RIMS2: variants seen among roughly 807,000 people sequenced by gnomAD.
The protein encoded by RIMS2 is regulating synaptic membrane exocytosis protein 2.
A neutral mutation model predicts 174.4 loss-of-function variants in RIMS2; 59 were observed. That is an observed-to-expected ratio of 0.34 (90% confidence interval 0.27 to 0.42). The LOEUF is 0.42. RIMS2 is among the 10% of genes least tolerant of loss of function. The probability of loss-of-function intolerance (pLI) is 1.00; values close to 1 mark genes in which losing one functional copy is unlikely to be tolerated. For missense variants in RIMS2, 1,620 were observed against 1,666.3 expected (o/e 0.97, Z 0.48); for synonymous variants, 606 against 572.5 (o/e 1.06, Z -0.84).
At chr8:104,111,654 C>T (rs1262130489) in intron 19 of RIMS2, among the ~76,000 whole-genome samples, 1 of 152,150 alleles carries the variant, frequency 6.6e-6, no homozygotes, top group African/African-American at 2.4e-5. Flanking sequence ...GATCCACCTG[C>T]CTCAGCCTAC....
chr8:104,082,920 A>G (rs7840902), intron 19 of RIMS2, among the ~76,000 whole-genome samples: 1,955 of 152,250 alleles, frequency 0.013, 50 homozygotes, highest in African/African-American at 0.045. Flanking sequence ...TTAATGATAT[A>G]CTTAAGATGC....
intron 3 of RIMS2, among the ~76,000 whole-genome samples, chr8:103,834,502 A>G (rs564625258): frequency 1.9e-4 from 29 of 151,380 alleles, no homozygotes; most frequent in Admixed American, 1.8e-3. Context: ...TGTGCTCAGA[A>G]GAGCTCCTTG....
intron 23 of RIMS2, 59 bp from the exon 30 acceptor site, chr8:104,251,543 C>G: frequency 1.1e-6 from 1 of 888,920 alleles, no homozygotes; most frequent in Non-Finnish European, 1.9e-6. Context: ...ATATATTTTA[C>G]AAGTTTTTCT....
At position 103,601,149 on chromosome 8, in the gene RIMS2, A is replaced by C. The variant is rs144261595; in HGVS notation, c.177-95937A>C. On this transcript the variant is annotated intron_variant, in intron 1 of 23. Transcript: ENST00000504942. ...CATAGTTTGCAAAATATTTTCTCCC[A>C]TTCTGTGGGTTGTTGATTCAATTTG... Among the ~76,000 whole-genome samples the C allele has an allele frequency of 1.7e-4, 26 of 152,278 alleles. 1 individual carries two copies. The East Asian group carries it at 4.4e-3, about 26-fold the overall frequency.
chr8:103,971,933 C>CT (rs1031975826), intron 15 of RIMS2, among the ~76,000 whole-genome samples: 9 of 152,138 alleles, frequency 5.9e-5, no homozygotes, highest in Admixed American at 2.6e-4. Flanking sequence ...AATTTTTGCT[C>CT]TTTTTTTGCT....
At chr8:103,665,164 ATACC>A (rs1343514368) in intron 1 of RIMS2, among the ~76,000 whole-genome samples, 1 of 152,210 alleles carries the variant, frequency 6.6e-6, no homozygotes, top group Non-Finnish European at 1.5e-5. Context: ...ATTAGGAGAA[ATACC>A]TAAAGTAAAT....
intron 1 of RIMS2, among the ~76,000 whole-genome samples, chr8:103,673,519 C>T (rs2096771718): frequency 6.6e-6 from 1 of 152,246 alleles, no homozygotes; most frequent in African/African-American, 2.4e-5. Context: ...GCTGCCAAGA[C>T]TCATGGCTTG....
intron 3 of RIMS2, among the ~76,000 whole-genome samples, chr8:103,840,501 C>G (rs1396498105): frequency 2.0e-5 from 3 of 151,622 alleles, no homozygotes; most frequent in African/African-American, 4.9e-5. Flanking sequence ...TTTTAATCCA[C>G]TCTCCCACAG....
chr8:103,655,419 C>G (rs922327836), intron 1 of RIMS2, among the ~76,000 whole-genome samples: 7 of 151,870 alleles, frequency 4.6e-5, no homozygotes, highest in African/African-American at 1.7e-4. Context: ...ATGCAACTGT[C>G]ATTTTAACTT....
intron 1 of RIMS2, among the ~76,000 whole-genome samples, chr8:103,595,522 G>A (rs534746108): frequency 2.0e-5 from 3 of 151,974 alleles, no homozygotes; most frequent in South Asian, 4.1e-4. Flanking sequence ...TTTAGAAAAG[G>A]ATAGACTTAC....
intron 16 of RIMS2, among the ~76,000 whole-genome samples, chr8:103,982,341 A>T (rs1359243499): frequency 6.6e-6 from 1 of 151,978 alleles, no homozygotes; most frequent in African/African-American, 2.4e-5. Flanking sequence ...TACCAACTCT[A>T]CTCAAACTAT....
intron 1 of RIMS2, among the ~76,000 whole-genome samples, chr8:103,691,622 A>G (rs908560481): frequency 3.9e-5 from 6 of 152,184 alleles, no homozygotes; most frequent in African/African-American, 9.7e-5. Context: ...CTCCTTCAAA[A>G]CAGCTATTTT....
At chr8:103,824,733 A>G (rs149455247) in intron 3 of RIMS2, among the ~76,000 whole-genome samples, 2 of 152,120 alleles carry the variant, frequency 1.3e-5, no homozygotes, top group Non-Finnish European at 2.9e-5. Flanking sequence ...ACATTTGGAG[A>G]CTTTTTTATT....
chr8:103,628,186 G>A (rs62527086), intron 1 of RIMS2, among the ~76,000 whole-genome samples: 16 of 152,128 alleles, frequency 1.1e-4, no homozygotes, highest in Non-Finnish European at 2.2e-4. Context: ...TTCCAGACAA[G>A]TTGGGTATGC....
intron 2 of RIMS2, among the ~76,000 whole-genome samples, chr8:103,725,450 G>A (rs2097516401): frequency 6.6e-6 from 1 of 152,064 alleles, no homozygotes; most frequent in African/African-American, 2.4e-5. Context: ...AGGTAGATTT[G>A]CCTGTTTTTG....
chr8:103,884,270 A>G (rs2099186879), intron 3 of RIMS2, among the ~76,000 whole-genome samples: 1 of 151,888 alleles, frequency 6.6e-6, no homozygotes, highest in African/African-American at 2.4e-5. Flanking sequence ...GTTGAATCTT[A>G]GTCATCTTTA....
Position 103,896,950 on chromosome 8 carries a change from A to G in RIMS2, c.1624+10727A>G, listed in dbSNP as rs1263781477. Among the ~76,000 whole-genome samples the G allele has an allele frequency of 2.0e-5, 3 of 151,636 alleles. No individual in the cohort carries two copies. In the East Asian group the frequency reaches 5.8e-4, roughly 29 times the overall value. On this transcript the variant is annotated intron_variant, in intron 4 of 23. Transcript: ENST00000504942. ...TTGGTATTAAAAAACAGTCACAGAA[A>G]ATACAAGGAGAGGGGTCCACAGAAG...
At chr8:103,569,927 C>T (rs1173577956) in intron 1 of RIMS2, among the ~76,000 whole-genome samples, 2 of 152,078 alleles carry the variant, frequency 1.3e-5, no homozygotes, top group African/African-American at 4.8e-5. Flanking sequence ...GTCACCATGC[C>T]TGGCTCATGC....
chr8:103,875,215 C>T (rs1284949636), intron 3 of RIMS2, among the ~76,000 whole-genome samples: 1 of 151,840 alleles, frequency 6.6e-6, no homozygotes. Flanking sequence ...TACCTGTCCC[C>T]TATATAGTGT....
Sources: allele counts gnomAD v4.1 joint callset (sites outside exome capture counted in the v4.1 genomes callset), GRCh38; gene constraint gnomAD v4.1.1; transcripts MANE v1.5; gene names NCBI Gene and HGNC (gene_info 2026-07-23, HGNC 2026-07-21).